Variants in SUCLG2 observed in about 807,000 individuals in gnomAD.
SUCLG2 encodes succinate-CoA ligase GDP-forming subunit beta, also known as succinate--CoA ligase [GDP-forming] subunit beta, mitochondrial.
SUCLG2 carries 42 observed loss-of-function variants against 47.9 expected under a neutral mutation model. The observed-to-expected ratio is 0.88, with a 90% CI of 0.69 to 1.14. The LOEUF is 1.14. Ranked by LOEUF, SUCLG2 falls within the 50% of genes most tolerant of loss-of-function variation. The probability of loss-of-function intolerance (pLI) is 0.00; values close to 1 mark genes in which losing one functional copy is unlikely to be tolerated. For synonymous variants in SUCLG2, 195 were observed against 197.3 expected (o/e 0.99, Z 0.10); for missense variants, 571 against 525.9 (o/e 1.09, Z -0.84).
intron 9 of SUCLG2, among the ~76,000 whole-genome samples, chr3:67,437,251 C>T (rs548055311): frequency 6.6e-6 from 1 of 152,082 alleles, no homozygotes; most frequent in East Asian, 1.9e-4. Context: ...CAGGTAAAGC[C>T]CACATGCAAG....
intron 9 of SUCLG2, among the ~76,000 whole-genome samples, chr3:67,436,958 A>C (rs1703639195): frequency 6.6e-6 from 1 of 152,032 alleles, no homozygotes; most frequent in South Asian, 2.1e-4. Context: ...TTCCTTTTAA[A>C]TATTGCCATT....
chr3:67,422,227 A>G (rs1277257086), intron 9 of SUCLG2, among the ~76,000 whole-genome samples: 3 of 151,354 alleles, frequency 2.0e-5, no homozygotes, highest in Non-Finnish European at 4.4e-5. Flanking sequence ...TAATCCCAGC[A>G]CTTAAGGAGG....
chr3:67,587,846 T>C (rs935150695), intron 2 of SUCLG2, among the ~76,000 whole-genome samples: 5 of 152,196 alleles, frequency 3.3e-5, no homozygotes, highest in Non-Finnish European at 5.9e-5. Context: ...AAAAAGACTC[T>C]TAAAGCTTCT....
chr3:67,435,643 G>A (rs1204399451), intron 9 of SUCLG2, among the ~76,000 whole-genome samples: 1 of 152,160 alleles, frequency 6.6e-6, no homozygotes, highest in African/African-American at 2.4e-5. Context: ...GTGCCTCTAA[G>A]GTTGCAAGAA....
intron 10 of SUCLG2, among the ~76,000 whole-genome samples, chr3:67,399,709 C>A (rs1020132099): frequency 2.6e-5 from 4 of 152,040 alleles, no homozygotes; most frequent in Non-Finnish European, 5.9e-5. Context: ...TGATTTTGAA[C>A]CATGCATGGA....
At chr3:67,447,697 T>C (rs1390386784) in intron 9 of SUCLG2, among the ~76,000 whole-genome samples, 1 of 152,212 alleles carries the variant, frequency 6.6e-6, no homozygotes, top group Non-Finnish European at 1.5e-5. Context: ...TTGAAAAAAT[T>C]TGTCCCATTT....
At chr3:67,604,065 C>A (rs1442094281) in intron 2 of SUCLG2, among the ~76,000 whole-genome samples, 1 of 152,130 alleles carries the variant, frequency 6.6e-6, no homozygotes, top group African/African-American at 2.4e-5. Context: ...TTAATTCAAA[C>A]AAATTTGCTC....
intron 2 of SUCLG2, 40 bp downstream of exon 2, chr3:67,609,415 A>T: frequency 6.3e-7 from 1 of 1,591,150 alleles, no homozygotes; most frequent in Non-Finnish European, 8.6e-7. Flanking sequence ...GAATTCACTG[A>T]TTTGGGCAAG....
intron 9 of SUCLG2, among the ~76,000 whole-genome samples, chr3:67,479,992 A>G (rs1002579223): frequency 1.3e-5 from 2 of 152,272 alleles, no homozygotes; most frequent in Non-Finnish European, 1.5e-5. Flanking sequence ...TTTCAGGGAC[A>G]GATTTTGAAA....
At chr3:67,551,718 G>A (rs145501828) in intron 2 of SUCLG2, among the ~76,000 whole-genome samples, 54 of 152,210 alleles carry the variant, frequency 3.5e-4, no homozygotes, top group African/African-American at 1.3e-3. Context: ...TGCCATTATT[G>A]TTACTATAAT....
rs191806342 is a variant in SUCLG2 at position 67,653,680 on chromosome 3, C to G, written c.84+823G>C. Among the ~76,000 whole-genome samples, 41 of 152,324 alleles carry G rather than the reference C, an allele frequency of 2.7e-4. No individual in the cohort carries two copies. The East Asian group carries it at 6.0e-3, about 22-fold the overall frequency. On this transcript the variant is annotated intron_variant, in intron 1 of 10. Transcript: ENST00000307227. ...TTCTTTAAAAGGGAAGAGAGATAGTCTACGGAGACTAACCAGTTCAGTGGT... is the reference window on the plus strand; with the variant it reads ...TTCTTTAAAAGGGAAGAGAGATAGTGTACGGAGACTAACCAGTTCAGTGGT...
At chr3:67,391,428 C>G (rs1702379341) in intron 10 of SUCLG2, among the ~76,000 whole-genome samples, 1 of 152,060 alleles carries the variant, frequency 6.6e-6, no homozygotes, top group Non-Finnish European at 1.5e-5. Flanking sequence ...CTTTGGTCTG[C>G]TGGAGGAGAG....
At chr3:67,376,223 T>C in intron 10 of SUCLG2, 3 of 985,438 alleles carry the variant, frequency 3.0e-6, no homozygotes, top group Non-Finnish European at 3.6e-6. Context: ...GGCTGTGACC[T>C]GATTTGAGAA....
chr3:67,555,396 G>A (rs1375092051), intron 2 of SUCLG2, among the ~76,000 whole-genome samples: 1 of 152,054 alleles, frequency 6.6e-6, no homozygotes, highest in Non-Finnish European at 1.5e-5. Flanking sequence ...GTGTGTTTGT[G>A]TATGTCTATA....
intron 2 of SUCLG2, among the ~76,000 whole-genome samples, chr3:67,577,772 C>A (rs1707780987): frequency 6.6e-6 from 1 of 152,032 alleles, no homozygotes; most frequent in African/African-American, 2.4e-5. Context: ...CCAGGTACAC[C>A]CCTACTGTAA....
Position 67,520,646 on chromosome 3 carries a change from G to C in SUCLG2, c.418-12C>G. The C allele has an allele frequency of 1.9e-6, 3 of 1,596,354 alleles. No individual in the cohort carries two copies. Among genetic ancestry groups the C allele is most frequent in the Non-Finnish European group, 2.6e-6 (3 of 1,174,184 alleles). ...TCAGCAACCATCACCTACCACATTA[G>C]TGGGAAAGTCAAATTAATTCAGCAT... On this transcript the variant is annotated splice_polypyrimidine_tract_variant and intron_variant, in intron 4 of 10. Coordinates refer to ENST00000307227, the MANE Select transcript of SUCLG2 (RefSeq NM_003848.4).
intron 2 of SUCLG2, among the ~76,000 whole-genome samples, chr3:67,545,891 A>G (rs570955343): frequency 6.6e-6 from 1 of 152,274 alleles, no homozygotes; most frequent in East Asian, 1.9e-4. Context: ...TCTACCCTCC[A>G]TTACACTCTC....
Position 67,400,839 on chromosome 3 carries a change from G to A in SUCLG2, c.1075C>T (p.Leu359Phe). 6.2e-7 allele frequency: 1 copy of A among 1,612,598 alleles called. No homozygotes were observed. Among genetic ancestry groups the A allele is most frequent in the Non-Finnish European group, 8.5e-7 (1 of 1,179,728 alleles). The change falls in exon 10 of 11, where the codon CTT becomes TTT. Residue 359 changes from leucine (L) to phenylalanine (F), a missense_variant. Coordinates refer to ENST00000307227, the MANE Select transcript of SUCLG2 (RefSeq NM_003848.4). The stretch of plus-strand genomic sequence containing the variant: ...ACGATACCACCAAATATATTGACAA[G>A]GATGGCTTCAACCTGAAATCAAAAA... ...LTADPKVEAI[L>F]VNIFGGIVNC...
At chr3:67,362,062 T>A (rs980927581) in intron 10 of SUCLG2, among the ~76,000 whole-genome samples, 1 of 152,190 alleles carries the variant, frequency 6.6e-6, no homozygotes, top group African/African-American at 2.4e-5. Flanking sequence ...CCTAAATAAC[T>A]GACTCCCAGA....
Sources: gnomAD v4.1 joint callset for allele counts (sites outside exome capture counted in the v4.1 genomes callset) on GRCh38, gnomAD v4.1.1 for gene constraint, MANE v1.5 for transcripts, NCBI Gene and HGNC (gene_info 2026-07-23, HGNC 2026-07-21) for gene names.